UTP20: variants seen among roughly 807,000 people sequenced by gnomAD.
The protein encoded by UTP20 is UTP20 small subunit processome component.
In UTP20, 164 loss-of-function variants were observed where a neutral mutation model predicts 329.5. That is an observed-to-expected ratio of 0.50 (90% CI 0.44 to 0.57). The LOEUF is 0.57. Among genes scored for constraint, UTP20 ranks in the 20% least tolerant of loss-of-function variants. The pLI, the probability that UTP20 is intolerant of heterozygous loss-of-function variation, is 0.00. For missense variants in UTP20, 3,055 were observed against 3,284.2 expected, an observed-to-expected ratio of 0.93 and a Z score of 1.71; for synonymous variants, 1,151 against 1,159.3, an observed-to-expected ratio of 0.99 and a Z score of 0.14.
intron 29 of UTP20, among the ~76,000 whole-genome samples, chr12:101,336,058 C>T (rs754196049): frequency 2.0e-5 from 3 of 152,184 alleles, no homozygotes; most frequent in Non-Finnish European, 4.4e-5. Context: ...GATGCCACTT[C>T]ATTCTTTTCT....
chr12:101,383,714 TTC>T, intron 60 of UTP20, 45 bp downstream of exon 60: 1 of 1,428,144 alleles, frequency 7.0e-7, no homozygotes, highest in Non-Finnish European at 9.3e-7. Context: ...ACATGAGGAT[TTC>T]TAACTTCTCT....
rs1870359722 is a variant in UTP20, at chr12:101,373,424, A to G, written c.6902A>G (p.Glu2301Gly). The G allele has an allele frequency of 6.2e-7, 1 of 1,614,150 alleles. No homozygotes were observed. Among genetic ancestry groups the G allele is most frequent in the Non-Finnish European group, 8.5e-7 (1 of 1,180,016 alleles). The change falls in exon 53 of 62, where the codon GAG becomes GGG. Residue 2301 changes from glutamate to glycine, a missense_variant. Around this residue, in one of 3 missense-constraint regions of UTP20, gnomAD observed 273 missense variants for 363.1 expected, o/e 0.75. Coordinates refer to ENST00000261637, the MANE Select transcript of UTP20 (RefSeq NM_014503.3). ...AGTTACGAACATGAGACCGGGAGAGAGTCCACCTTGGAAATGATCGCCTAT... is the reference window on the plus strand; with the variant it reads ...AGTTACGAACATGAGACCGGGAGAGGGTCCACCTTGGAAATGATCGCCTAT... Reference protein sequence around the residue: ...QLNYEHETGRESTLEMIAYLF... With the variant: ...QLNYEHETGRGSTLEMIAYLF...
chr12:101,374,729 A>G (rs1229525068), intron 54 of UTP20, 79 bp from the exon 55 acceptor site: 2 of 749,108 alleles, frequency 2.7e-6, no homozygotes, highest in African/African-American at 3.5e-5. Flanking sequence ...AGGACAAAAT[A>G]ATGCCCACCT....
chr12:101,321,950 G>C (rs7298507), intron 25 of UTP20, among the ~76,000 whole-genome samples: 1 of 151,014 alleles, frequency 6.6e-6, no homozygotes, highest in African/African-American at 2.4e-5. Context: ...AGCCAAATTG[G>C]TATAGAGACT....
intron 43 of UTP20, among the ~76,000 whole-genome samples, chr12:101,359,036 C>T (rs759860045): frequency 2.6e-5 from 4 of 152,062 alleles, no homozygotes; most frequent in Non-Finnish European, 4.4e-5. Context: ...AATTTGAAGA[C>T]TTCGGCCAGT....
Position 101,373,659 on chromosome 12 carries a change from G to A in UTP20, c.7023G>A (p.Thr2341=), listed in dbSNP as rs779342017. The A allele has an allele frequency of 1.4e-5, 23 of 1,612,768 alleles. No homozygotes were observed. The highest frequency in any genetic ancestry group is 6.7e-5 in the Admixed American group (4 of 59,552). The stretch of plus-strand genomic sequence containing the variant: ...TGACGATCAATGATGACTCTGCCAC[G>A]TGCAAAAAGATGGCATCCATGACAA... The part of the protein sequence containing the change: ...CLMTINDDSA[T]CKKMASMTIK... The change falls in exon 54 of 62, where the codon ACG becomes ACA. Residue 2341 remains threonine, a synonymous_variant. Coordinates refer to ENST00000261637, the MANE Select transcript of UTP20 (RefSeq NM_014503.3).
intron 25 of UTP20, among the ~76,000 whole-genome samples, chr12:101,322,717 T>C (rs529137665): frequency 6.6e-6 from 1 of 152,360 alleles, no homozygotes; most frequent in East Asian, 1.9e-4. Context: ...CTAGCACTTA[T>C]CTAATGGCTC....
chr12:101,368,943 C>T (rs147136587), intron 48 of UTP20, among the ~76,000 whole-genome samples: 4,010 of 152,190 alleles, frequency 0.026, 77 homozygotes, highest in South Asian at 0.084. Context: ...CAGAGCAGCA[C>T]GGGTGTTATT....
intron 24 of UTP20, 104 bp from the exon 25 acceptor site, chr12:101,321,400 A>G (rs1367370899): frequency 6.7e-7 from 1 of 1,495,182 alleles, no homozygotes; most frequent in African/African-American, 1.4e-5. Flanking sequence ...AATATGTACT[A>G]TATACCTTAT....
At position 101,310,569 on chromosome 12, in the gene UTP20, C is replaced by CT. The variant is rs532805855; in HGVS notation, c.2231+731dup. ...CAGCCTGGGCAACAAGAGTGAAACT[C>CT]TGTCTCCCAAAAAAAAAAAAAAAAA... is the stretch of plus-strand genomic sequence containing the variant. On this transcript the variant is annotated intron_variant, in intron 19 of 61. Coordinates refer to ENST00000261637, the MANE Select transcript of UTP20 (RefSeq NM_014503.3). Among the ~76,000 whole-genome samples, 152 of 35,800 alleles carry CT rather than the reference C, an allele frequency of 4.2e-3. 1 individual carries two copies. The African/African-American group carries it at 0.044, about 10-fold the overall frequency. 23.5% of individuals were successfully genotyped at this position (35,800 alleles called of 152,430 possible).
intron 17 of UTP20, 103 bp from the exon 18 acceptor site, chr12:101,308,079 ACAT>A: frequency 1.0e-6 from 1 of 978,996 alleles, no homozygotes; most frequent in Non-Finnish European, 1.4e-6. Context: ...AAAAATATTA[ACAT>A]ATTCCAGTTT....
At chr12:101,376,896 C>T (rs1870492104) in intron 56 of UTP20, among the ~76,000 whole-genome samples, 1 of 152,170 alleles carries the variant, frequency 6.6e-6, no homozygotes, top group Non-Finnish European at 1.5e-5. Flanking sequence ...GATCTACCCG[C>T]CTCGACCTCC....
intron 2 of UTP20, among the ~76,000 whole-genome samples, chr12:101,284,588 TG>T (rs1205659284): frequency 1.3e-5 from 2 of 152,062 alleles, no homozygotes; most frequent in Admixed American, 6.6e-5. Flanking sequence ...ATGATTGTTT[TG>T]GGGGGGTATG....
intron 11 of UTP20, among the ~76,000 whole-genome samples, chr12:101,294,546 T>TC (rs1465085467): frequency 2.3e-4 from 35 of 150,284 alleles, no homozygotes; most frequent in Middle Eastern, 3.4e-3. Flanking sequence ...TTTTTCTTTT[T>TC]TTTTTTTTTT....
chr12:101,291,720 C>G (rs776037237), intron 8 of UTP20, 22 bp from the exon 9 acceptor site: 1 of 1,541,908 alleles, frequency 6.5e-7, no homozygotes, highest in African/African-American at 1.4e-5. Flanking sequence ...TATATTCTCT[C>G]TGTTAAATTC....
chr12:101,326,788 T>C (rs1175053495), intron 25 of UTP20: 1 of 199,876 alleles, frequency 5.0e-6, no homozygotes, highest in Non-Finnish European at 1.0e-5. Context: ...GTGGTCTCAC[T>C]AAGTTGCCCA....
Position 101,312,119 on chromosome 12 carries a change from G to A in UTP20, c.2395G>A (p.Ala799Thr), listed in dbSNP as rs1872811711. The change falls in exon 21 of 62, where the codon GCT becomes ACT. Residue 799 changes from alanine to threonine, a missense_variant. Ala to Thr is a moderately conservative substitution (Grantham distance 58, BLOSUM62 0). Coordinates refer to ENST00000261637, the MANE Select transcript of UTP20 (RefSeq NM_014503.3). ...GCAGACCCAGGAAGGAGATGTTGGA[G>A]CTCTTTATCATGAGCAGTTAGCATT... ...WEQTQEGDVGALYHEQLALKT... is the reference protein window; with the variant it reads ...WEQTQEGDVGTLYHEQLALKT... 7 of 1,614,226 alleles carry A rather than the reference G, an allele frequency of 4.3e-6. No homozygotes were observed. Among genetic ancestry groups the A allele is most frequent in the Non-Finnish European group, 5.9e-6 (7 of 1,180,042 alleles).
At chr12:101,287,637 T>G (rs541587378) in intron 5 of UTP20, among the ~76,000 whole-genome samples, 1 of 152,318 alleles carries the variant, frequency 6.6e-6, no homozygotes, top group Admixed American at 6.5e-5. Context: ...GGTTGCCCAT[T>G]TTCTGTCATT....
In UTP20 at chr12:101,338,879, A is replaced by T; in HGVS notation, c.3935A>T (p.Lys1312Ile). 6.2e-7 allele frequency: 1 copy of T among 1,612,360 alleles called. No homozygotes were observed. The highest frequency in any genetic ancestry group is 8.5e-7 in the Non-Finnish European group (1 of 1,179,580). ...HVPAILQYLS[K>I]TTISAEKVKK... ...CCTGCAATTCTTCAGTATCTCAGCA[A>T]AACCACAATAAGCGCAGAAAAGGTG... Residue 1312 changes from lysine (K) to isoleucine (I), a missense_variant, in exon 31 of 62, where the codon AAA becomes ATA. By Grantham distance (102) the Lys-to-Ile change is moderately radical. Transcript: ENST00000261637.
Sources: gnomAD v4.1 joint callset for allele counts (sites outside exome capture counted in the v4.1 genomes callset) on GRCh38, gnomAD v4.1.1 for gene constraint, gnomAD v4.1.1 regional missense constraint, MANE v1.5 for transcripts, NCBI Gene and HGNC (gene_info 2026-07-23, HGNC 2026-07-21) for gene names.